Variants in SKIDA1 observed in about 807,000 individuals in gnomAD.
The protein encoded by SKIDA1 is SKI/DACH domain containing 1.
Under a neutral mutation model 51.4 loss-of-function variants are expected in SKIDA1, and 18 were observed. The ratio of observed to expected loss-of-function variants is 0.35; its 90% CI spans 0.24 to 0.52. SKIDA1 has a LOEUF of 0.52. SKIDA1 is among the 20% of genes least tolerant of loss of function. The probability of loss-of-function intolerance (pLI) is 0.95; values close to 1 mark genes in which losing one functional copy is unlikely to be tolerated. For synonymous variants in SKIDA1, 579 were observed against 500.5 expected (o/e 1.16, Z -2.09); for missense variants, 1,104 against 1,180.6 (o/e 0.94, Z 0.95).
Position 21,517,320 on chromosome 10 carries a change from T to C in SKIDA1, c.503A>G (p.His168Arg), listed in dbSNP as rs1163214159. 2.3e-5 allele frequency: 33 copies of C among 1,437,024 alleles called. No individual in the cohort carries two copies. The highest frequency in any genetic ancestry group is 3.0e-5 in the Non-Finnish European group (33 of 1,092,562). 89.0% of individuals were successfully genotyped at this position (1,437,024 alleles called of 1,614,324 possible). ...GTATTTGCTAAAAATCTGAGGTAGA[T>C]GGGCGGCGGGGCGCGCGGCGGCGGC... ...PGAAAARPAA[H>R]LPQIFSKYPG... Residue 168 changes from histidine (H) to arginine (R), a missense_variant, in exon 4 of 4, where the codon CAT becomes CGT. This residue lies in a region of SKIDA1 where 938 missense variants were observed against 886.4 expected (regional missense o/e 1.06). Coordinates refer to ENST00000449193, the MANE Select transcript of SKIDA1 (RefSeq NM_207371.4). The surrounding 1 kb of genome is among the most constrained non-coding windows in gnomAD (Gnocchi z 6.9).
In SKIDA1 at chr10:21,516,825, C is replaced by T. The variant is rs748453245; in HGVS notation, c.998G>A (p.Cys333Tyr). ...LERFHLVNGF[C>Y]PPPHHHHHHH... Reference sequence around the variant, plus strand: ...GTGGTGGTGGTGGTGCGGAGGCGGGCAGAAGCCGTTGACCAGATGAAACCT... The same window carrying T: ...GTGGTGGTGGTGGTGCGGAGGCGGGTAGAAGCCGTTGACCAGATGAAACCT... The change falls in exon 4 of 4, where the codon TGC becomes TAC. Residue 333 changes from cysteine to tyrosine, a missense_variant. Cys to Tyr is a radical substitution (Grantham distance 194). This residue lies in a region of SKIDA1 where 938 missense variants were observed against 886.4 expected (regional missense o/e 1.06). Transcript: ENST00000449193. The surrounding 1 kb of genome is among the most constrained non-coding windows in gnomAD (Gnocchi z 5.7). The T allele has an allele frequency of 1.2e-5, 18 of 1,541,608 alleles. No homozygotes were observed. The highest frequency in any genetic ancestry group is 1.5e-5 in the Non-Finnish European group (17 of 1,145,280).
chr10:21,524,237 TTTTG>T (rs2032546308), intron 1 of SKIDA1, among the ~76,000 whole-genome samples: 1 of 152,296 alleles, frequency 6.6e-6, no homozygotes, highest in Admixed American at 6.5e-5. Context: ...TGGGGTAGTG[TTTTG>T]TTTGTGTTTT....
intron 1 of SKIDA1, among the ~76,000 whole-genome samples, chr10:21,525,134 T>C (rs554435847): frequency 6.6e-6 from 1 of 152,326 alleles, no homozygotes; most frequent in Admixed American, 6.5e-5. Context: ...ACTTTCTTGC[T>C]GTTTGAAGGG....
chr10:21,518,022 A>C lies in SKIDA1; in HGVS notation c.-200T>G. On this transcript the variant is annotated 5_prime_UTR_variant, in exon 4 of 4. Transcript: ENST00000449193. Reference sequence around the variant, plus strand: ...ATTGGGGGGGGGGAAACCCCATGAAATTACACTGACTTGATTCTTGCTTTT... The same window carrying C: ...ATTGGGGGGGGGGAAACCCCATGAACTTACACTGACTTGATTCTTGCTTTT... The C allele has an allele frequency of 1.8e-6, 1 of 556,398 alleles. No individual in the cohort carries two copies. The allele number at this position is 556,398 out of a possible 1,614,324, so 34.5% of individuals were successfully genotyped here. A position where few individuals can be genotyped will look rare whatever the true frequency, so the allele number is the denominator to read the frequency against.
chr10:21,518,012 A>T lies in SKIDA1; in HGVS notation c.-190T>A, dbSNP rs756024168. Reference sequence around the variant, plus strand: ...AGGCGAAATTATTGGGGGGGGGGAAACCCCATGAAATTACACTGACTTGAT... The same window carrying T: ...AGGCGAAATTATTGGGGGGGGGGAATCCCCATGAAATTACACTGACTTGAT... On this transcript the variant is annotated 5_prime_UTR_variant, in exon 4 of 4. Transcript: ENST00000449193. 3 of 555,010 alleles carry T rather than the reference A, an allele frequency of 5.4e-6. No individual in the cohort carries two copies. The highest frequency in any genetic ancestry group is 9.4e-6 in the Non-Finnish European group (3 of 318,268). The allele number at this position is 555,010 out of a possible 1,614,324, so 34.4% of individuals were successfully genotyped here. A position where few individuals can be genotyped will look rare whatever the true frequency, so the allele number is the denominator to read the frequency against.
Position 21,516,343 on chromosome 10 carries a change from T to G in SKIDA1, c.1480A>C (p.Thr494Pro). The G allele has an allele frequency of 3.7e-6, 6 of 1,613,614 alleles. No individual in the cohort carries two copies. Among genetic ancestry groups the G allele is most frequent in the Non-Finnish European group, 5.1e-6 (6 of 1,179,884 alleles). Residue 494 changes from threonine to proline, a missense_variant, in exon 4 of 4, where the codon ACC becomes CCC. Thr to Pro is a conservative substitution (Grantham distance 38, BLOSUM62 -1). This residue lies in a region of SKIDA1 where 938 missense variants were observed against 886.4 expected (regional missense o/e 1.06). Coordinates refer to ENST00000449193, the MANE Select transcript of SKIDA1 (RefSeq NM_207371.4). This position sits in a 1 kb window ranked among gnomAD's most constrained non-coding sequence, Gnocchi z 5.7. ...GCATCCTCGAAAGCAGCGGGTTTGG[T>G]TGCAGCGGCGGCGGAGGCCAGATGG... ...LYHLASAAAA[T>P]KPAAFEDAGR...
At chr10:21,524,372 A>C (rs1404834194) in intron 1 of SKIDA1, among the ~76,000 whole-genome samples, 1 of 152,134 alleles carries the variant, frequency 6.6e-6, no homozygotes, top group Non-Finnish European at 1.5e-5. Context: ...AACTTAAAAA[A>C]ATTTTTTTTT....
In SKIDA1 at chr10:21,517,730, T is replaced by C; in HGVS notation, c.93A>G (p.Gln31=). 2.5e-6 allele frequency: 4 copies of C among 1,614,010 alleles called. No individual in the cohort carries two copies. The South Asian group carries it at 3.3e-5, about 13-fold the overall frequency. The change falls in exon 4 of 4, where the codon CAA becomes CAG. Residue 31 remains glutamine (Q), a synonymous_variant. Coordinates refer to ENST00000449193, the MANE Select transcript of SKIDA1 (RefSeq NM_207371.4). The surrounding 1 kb of genome is among the most constrained non-coding windows in gnomAD (Gnocchi z 6.9). The part of the protein sequence containing the change: ...IKGKQMFALS[Q]VFTDLLKNIP... ...TGTTTTTCAGCAGATCTGTGAAGACTTGGGAGAGGGCAAACATTTGCTTCC... is the reference window on the plus strand; with the variant it reads ...TGTTTTTCAGCAGATCTGTGAAGACCTGGGAGAGGGCAAACATTTGCTTCC...
chr10:21,523,361 T>G (rs951495081), intron 2 of SKIDA1, among the ~76,000 whole-genome samples: 3 of 152,158 alleles, frequency 2.0e-5, no homozygotes, highest in Non-Finnish European at 2.9e-5. Context: ...GCTGAATAAA[T>G]AAAGAATGTT....
Position 21,516,177 on chromosome 10 carries a change from C to A in SKIDA1, c.1646G>T (p.Arg549Met), listed in dbSNP as rs2032196816. The A allele has an allele frequency of 1.2e-6, 2 of 1,614,068 alleles. No homozygotes were observed. The highest frequency in any genetic ancestry group is 1.7e-6 in the Non-Finnish European group (2 of 1,179,908). The change falls in exon 4 of 4, where the codon AGG (arginine) becomes ATG (methionine). Residue 549 changes from arginine to methionine, a missense_variant. Coordinates refer to ENST00000449193, the MANE Select transcript of SKIDA1 (RefSeq NM_207371.4). The surrounding 1 kb of genome is among the most constrained non-coding windows in gnomAD (Gnocchi z 5.7). ...GSCFAEIRND[R>M]VSEITFPHSE... is the part of the protein sequence containing the mutation. Reference sequence around the variant, plus strand: ...GTGTGGGAATGTAATCTCAGATACCCTATCGTTCCTTATCTCAGCGAAACA... The same window carrying A: ...GTGTGGGAATGTAATCTCAGATACCATATCGTTCCTTATCTCAGCGAAACA...
chr10:21,516,867 CCCGCGGCGGCCGCCGCCG>C lies in SKIDA1; in HGVS notation c.938_955del (p.Ala313_Ala318del). ...ATGAAACCTCTCCAGGCAAGTGGCC[CCCGCGGCGGCCGCCGCCG>C]CCGCTGCCGCCGCCGCCGCCGCCGC... On this transcript the variant is annotated inframe_deletion, in exon 4 of 4. Transcript: ENST00000449193. The surrounding 1 kb of genome is among the most constrained non-coding windows in gnomAD (Gnocchi z 5.7). The C allele has an allele frequency of 3.8e-6, 5 of 1,306,880 alleles. 2 individuals carry two copies. In the South Asian group the frequency reaches 1.1e-4, roughly 29 times the overall value. 81.0% of individuals were successfully genotyped at this position (1,306,880 alleles called of 1,614,324 possible).
At chr10:21,524,333 T>C (rs746017505) in intron 1 of SKIDA1, among the ~76,000 whole-genome samples, 7 of 151,278 alleles carry the variant, frequency 4.6e-5, no homozygotes, top group Non-Finnish European at 1.0e-4. Context: ...TTTTACTACA[T>C]CTGTCTAAGC....
Position 21,515,447 on chromosome 10 carries a change from A to G in SKIDA1, c.2376T>C (p.Leu792=). Residue 792 remains leucine, a synonymous_variant, in exon 4 of 4, where the codon CTT becomes CTC. Transcript: ENST00000449193. ...AATTTGGTTTGACTGGAGGTGTCTG[A>G]AGGACAGGTCGCTTTCCCAGTACTA... ...RTLVLGKRPV[L]QTPPVKPNLK... is the part of the protein sequence containing the mutation. The G allele has an allele frequency of 6.2e-7, 1 of 1,614,010 alleles. No individual in the cohort carries two copies. Among genetic ancestry groups the G allele is most frequent in the South Asian group, 1.1e-5 (1 of 91,084 alleles).
In SKIDA1 at chr10:21,516,240, T is replaced by G; in HGVS notation, c.1583A>C (p.Lys528Thr). ...GGCCGGGCAGTACACCGGAGATGCT[T>G]TGGGGGCCCAGCTCTGCAGATTCCA... is the stretch of plus-strand genomic sequence containing the variant. ...AEWNLQSWAP[K>T]ASPVYCPASL... Residue 528 changes from lysine to threonine, a missense_variant, in exon 4 of 4, where the codon AAA becomes ACA. Around this residue, in one of 3 missense-constraint regions of SKIDA1, gnomAD observed 938 missense variants for 886.4 expected, o/e 1.06. Coordinates refer to ENST00000449193, the MANE Select transcript of SKIDA1 (RefSeq NM_207371.4). This position sits in a 1 kb window ranked among gnomAD's most constrained non-coding sequence, Gnocchi z 5.7. 1 of 1,614,016 alleles carries G rather than the reference T, an allele frequency of 6.2e-7. No homozygotes were observed. Among genetic ancestry groups the G allele is most frequent in the Non-Finnish European group, 8.5e-7 (1 of 1,179,900 alleles).
chr10:21,516,864 G>T lies in SKIDA1; in HGVS notation c.959C>A (p.Ala320Asp), dbSNP rs1173775692. 7 of 1,317,848 alleles carry T rather than the reference G, an allele frequency of 5.3e-6. No homozygotes were observed. The highest frequency in any genetic ancestry group is 6.1e-5 in the East Asian group (2 of 32,644). The allele number at this position is 1,317,848 out of a possible 1,614,324, so 81.6% of individuals were successfully genotyped here. The change falls in exon 4 of 4, where the codon GCC becomes GAC. Residue 320 changes from alanine to aspartate, a missense_variant. Around this residue, in one of 3 missense-constraint regions of SKIDA1, gnomAD observed 938 missense variants for 886.4 expected, o/e 1.06. Coordinates refer to ENST00000449193, the MANE Select transcript of SKIDA1 (RefSeq NM_207371.4). This position sits in a 1 kb window ranked among gnomAD's most constrained non-coding sequence, Gnocchi z 5.7. ...AAAAAAAAAG[A>D]TCLERFHLVN... ...CAGATGAAACCTCTCCAGGCAAGTG[G>T]CCCCCGCGGCGGCCGCCGCCGCCGC...
intron 2 of SKIDA1, among the ~76,000 whole-genome samples, chr10:21,522,040 G>A (rs1259427838): frequency 6.6e-6 from 1 of 152,176 alleles, no homozygotes; most frequent in African/African-American, 2.4e-5. Flanking sequence ...AATGCACACG[G>A]CATTTACAGT....
Position 21,516,152 on chromosome 10 carries a change from G to C in SKIDA1, c.1671C>G (p.His557Gln), listed in dbSNP as rs895901797. ...NDRVSEITFP[H>Q]SEISNAVKRT... ...TCTTTACAGCATTGGAAATTTCAGA[G>C]TGTGGGAATGTAATCTCAGATACCC... The change falls in exon 4 of 4, where the codon CAC (histidine) becomes CAG (glutamine). Residue 557 changes from histidine to glutamine, a missense_variant. Physicochemically the swap from His to Gln is conservative, Grantham distance 24. Transcript: ENST00000449193. The surrounding 1 kb of genome is among the most constrained non-coding windows in gnomAD (Gnocchi z 5.7). 3 of 1,613,908 alleles carry C rather than the reference G, an allele frequency of 1.9e-6. No homozygotes were observed. The highest frequency in any genetic ancestry group is 2.5e-6 in the Non-Finnish European group (3 of 1,179,912).
Position 21,516,567 on chromosome 10 carries a change from TCTC to T in SKIDA1, c.1253_1255del (p.Gly418del), listed in dbSNP as rs1292799965. ...CTCCTCCTCTTCCTCCTCCTCCTCC[TCTC>T]CCTCCTCCTCCTCTTCCTCTGAGGA... On this transcript the variant is annotated inframe_deletion, in exon 4 of 4. Transcript: ENST00000449193. The surrounding 1 kb of genome is among the most constrained non-coding windows in gnomAD (Gnocchi z 5.7). 11 of 1,546,702 alleles carry T rather than the reference TCTC, an allele frequency of 7.1e-6. No homozygotes were observed. The African/African-American group carries it at 1.4e-4, about 20-fold the overall frequency.
At position 21,517,270 on chromosome 10, in the gene SKIDA1, C is replaced by G; in HGVS notation, c.553G>C (p.Val185Leu). The G allele has an allele frequency of 1.4e-6, 2 of 1,472,802 alleles. No individual in the cohort carries two copies. Among genetic ancestry groups the G allele is most frequent in the Non-Finnish European group, 1.8e-6 (2 of 1,109,438 alleles). The allele number at this position is 1,472,802 out of a possible 1,614,324, so 91.2% of individuals were successfully genotyped here. ...KYPGSHYPEI[V>L]RSPCKPPLNY... ...AGAGGGGGTTTGCACGGCGAGCGCACGATCTCCGGGTAGTGCGAGCCGGGG... is the reference window on the plus strand; with the variant it reads ...AGAGGGGGTTTGCACGGCGAGCGCAGGATCTCCGGGTAGTGCGAGCCGGGG... Residue 185 changes from valine (V) to leucine (L), a missense_variant, in exon 4 of 4, where the codon GTG becomes CTG. Coordinates refer to ENST00000449193, the MANE Select transcript of SKIDA1 (RefSeq NM_207371.4). The surrounding 1 kb of genome is among the most constrained non-coding windows in gnomAD (Gnocchi z 6.9).
Sources: gnomAD v4.1 joint callset for allele counts (sites outside exome capture counted in the v4.1 genomes callset) on GRCh38, gnomAD v4.1.1 for gene constraint, gnomAD v4.1.1 regional missense constraint, Gnocchi (gnomAD v3.1) non-coding constraint, MANE v1.5 for transcripts, NCBI Gene and HGNC (gene_info 2026-07-23, HGNC 2026-07-21) for gene names.